Variants in STXBP6 observed in about 807,000 individuals in gnomAD.
STXBP6 encodes syntaxin-binding protein 6.
Under a neutral mutation model 26.9 loss-of-function variants are expected in STXBP6, and 21 were observed. The ratio of observed to expected loss-of-function variants is 0.78; its 90% CI spans 0.55 to 1.12. The LOEUF (loss-of-function observed/expected upper bound fraction) is 1.12, where lower values mean the gene tolerates loss of function less well. STXBP6 is among the 50% of genes most tolerant of loss of function. The pLI, the probability that STXBP6 is intolerant of heterozygous loss-of-function variation, is 0.00. For missense variants in STXBP6, 232 were observed against 257.9 expected, an observed-to-expected ratio of 0.90 and a Z score of 0.69; for synonymous variants, 97 against 92.6, an observed-to-expected ratio of 1.05 and a Z score of -0.27.
chr14:24,983,300 C>T (rs1475716380), intron 1 of STXBP6, among the ~76,000 whole-genome samples: 2 of 152,126 alleles, frequency 1.3e-5, no homozygotes, highest in Non-Finnish European at 2.9e-5. Context: ...TTGTAGTATC[C>T]AACAACTAGT....
At position 24,863,943 on chromosome 14, in the gene STXBP6, G is replaced by GAAAC. The variant is rs1346832298; in HGVS notation, c.155-6790_155-6787dup. ...TGTCTGTTTCATGTAATATAACTGTGAAACAAACAAACAGGTCTGAGCAAG... is the reference window on the plus strand; with the variant it reads ...TGTCTGTTTCATGTAATATAACTGTGAAACAAACAAACAAACAGGTCTGAGCAAG... On this transcript the variant is annotated intron_variant, in intron 2 of 5. Transcript: ENST00000323944. 5.3e-5 allele frequency among the ~76,000 whole-genome samples: 8 copies of GAAAC among 152,226 alleles called. 2 individuals are homozygous for GAAAC. Among genetic ancestry groups the GAAAC allele is most frequent in the Admixed American group, 3.9e-4 (6 of 15,286 alleles).
intron 1 of STXBP6, among the ~76,000 whole-genome samples, chr14:25,043,418 T>A (rs1234090702): frequency 6.6e-6 from 1 of 152,236 alleles, no homozygotes; most frequent in African/African-American, 2.4e-5. Context: ...AACTCTCCTT[T>A]GGATCCAACT....
At chr14:24,976,852 CTTTTTTTTTTTTTTT>C (rs71121808) in intron 1 of STXBP6, among the ~76,000 whole-genome samples, 4 of 45,276 alleles carry the variant, frequency 8.8e-5, no homozygotes, top group African/African-American at 4.5e-4. Context: ...ACTGGGCGCT[CTTTTTTTTTTTTTTT>C]TTTTTTTTTT....
intron 4 of STXBP6, among the ~76,000 whole-genome samples, chr14:24,835,312 C>T (rs1465448517): frequency 2.0e-5 from 3 of 150,184 alleles, no homozygotes; most frequent in Non-Finnish European, 2.9e-5. Flanking sequence ...CCACTGAGAC[C>T]CGGAGCCGTG....
At chr14:24,816,847 C>T (rs1039077758) in intron 5 of STXBP6, 14 of 152,070 alleles carry the variant, frequency 9.2e-5, no homozygotes, top group Admixed American at 9.2e-4. Flanking sequence ...GTTGAGGATC[C>T]TCAATCACCA....
At position 24,855,438 on chromosome 14, in the gene STXBP6, T is replaced by G. The variant is rs775257967; in HGVS notation, c.451+498A>C. 2.0e-5 allele frequency among the ~76,000 whole-genome samples: 3 copies of G among 152,080 alleles called. No individual in the cohort carries two copies. In the East Asian group the frequency reaches 5.8e-4, roughly 29 times the overall value. On this transcript the variant is annotated intron_variant, in intron 4 of 5. Coordinates refer to ENST00000323944, the MANE Select transcript of STXBP6 (RefSeq NM_001394410.1). ...CACTCACCCCTTTACAGTGGCTTAC[T>G]GTACTCATCCTAACTCAGCTCTGTA...
chr14:25,004,689 T>A (rs1412143683), intron 1 of STXBP6, among the ~76,000 whole-genome samples: 1 of 152,216 alleles, frequency 6.6e-6, no homozygotes, highest in South Asian at 2.1e-4. Flanking sequence ...TTCATTTCTA[T>A]GTATCCCGAT....
At chr14:24,813,561 C>A (rs940796088) in intron 5 of STXBP6, among the ~76,000 whole-genome samples, 1 of 152,184 alleles carries the variant, frequency 6.6e-6, no homozygotes, top group Admixed American at 6.5e-5. Context: ...AGTCTGATAT[C>A]AGGGACTAAT....
At chr14:24,987,898 A>G (rs1002057261) in intron 1 of STXBP6, 1 of 984,982 alleles carries the variant, frequency 1.0e-6, no homozygotes, top group African/African-American at 1.7e-5. Flanking sequence ...ATTCAATATC[A>G]CTGCATTGTC....
chr14:24,850,746 C>T (rs2069123795), intron 4 of STXBP6, among the ~76,000 whole-genome samples: 1 of 152,044 alleles, frequency 6.6e-6, no homozygotes, highest in Non-Finnish European at 1.5e-5. Flanking sequence ...GCTAGTTTAG[C>T]ACATTTACAT....
intron 2 of STXBP6, among the ~76,000 whole-genome samples, chr14:24,891,588 C>CT (rs751246301): frequency 6.6e-6 from 1 of 152,218 alleles, no homozygotes; most frequent in Non-Finnish European, 1.5e-5. Context: ...ATACTATAAT[C>CT]TATCTCATTT....
chr14:25,039,355 G>A (rs2075604957), intron 1 of STXBP6, among the ~76,000 whole-genome samples: 2 of 152,160 alleles, frequency 1.3e-5, no homozygotes, highest in Non-Finnish European at 2.9e-5. Flanking sequence ...AAAGTGGAGA[G>A]CTTTTCAGTT....
chr14:24,872,212 G>A (rs1186260909), intron 2 of STXBP6, among the ~76,000 whole-genome samples: 1 of 152,080 alleles, frequency 6.6e-6, no homozygotes, highest in Non-Finnish European at 1.5e-5. Flanking sequence ...AAATCCAAAT[G>A]GGTCTCAGAA....
chr14:24,931,113 G>C (rs1281249371), intron 2 of STXBP6, among the ~76,000 whole-genome samples: 1 of 39,498 alleles, frequency 2.5e-5, no homozygotes, highest in Non-Finnish European at 3.8e-5. Flanking sequence ...GCGAGACTCC[G>C]TCTCAAAAAA....
At chr14:24,915,530 T>C (rs1490892401) in intron 2 of STXBP6, among the ~76,000 whole-genome samples, 2 of 152,166 alleles carry the variant, frequency 1.3e-5, no homozygotes, top group East Asian at 3.9e-4. Flanking sequence ...ATTTGGATTT[T>C]TAAATATAGT....
chr14:25,038,085 TCACA>T (rs899906631), intron 1 of STXBP6, among the ~76,000 whole-genome samples: 5 of 148,786 alleles, frequency 3.4e-5, no homozygotes, highest in Non-Finnish European at 7.4e-5. Flanking sequence ...ACACACACAC[TCACA>T]CACACAACTG....
chr14:24,940,992 G>A (rs1202424127), intron 2 of STXBP6, among the ~76,000 whole-genome samples: 1 of 152,110 alleles, frequency 6.6e-6, no homozygotes, highest in Non-Finnish European at 1.5e-5. Context: ...TCCAGCCTGG[G>A]CGACAGAGCA....
chr14:24,905,505 CCTGT>C (rs1380650474), intron 2 of STXBP6, among the ~76,000 whole-genome samples: 1 of 152,108 alleles, frequency 6.6e-6, no homozygotes, highest in Non-Finnish European at 1.5e-5. Flanking sequence ...CCTATTCCTG[CCTGT>C]CTAACAAAGA....
intron 2 of STXBP6, among the ~76,000 whole-genome samples, chr14:24,946,764 C>T (rs567516964): frequency 4.6e-5 from 7 of 152,012 alleles, no homozygotes; most frequent in African/African-American, 1.4e-4. Flanking sequence ...TTTTAATGGG[C>T]GACACAAAAG....
Sources: allele counts gnomAD v4.1 joint callset (sites outside exome capture counted in the v4.1 genomes callset), GRCh38; gene constraint gnomAD v4.1.1; transcripts MANE v1.5; gene names NCBI Gene and HGNC (gene_info 2026-07-23, HGNC 2026-07-21).